HSPBAP1: variants seen among roughly 807,000 people sequenced by gnomAD.
The protein encoded by HSPBAP1 is HSPB1 associated protein 1.
In HSPBAP1, 27 loss-of-function variants were observed where a neutral mutation model predicts 45.2. The ratio of observed to expected loss-of-function variants is 0.60; its 90% CI spans 0.44 to 0.82. The LOEUF (loss-of-function observed/expected upper bound fraction) is 0.82, where lower values mean the gene tolerates loss of function less well. Among genes scored for constraint, HSPBAP1 ranks in the 40% least tolerant of loss-of-function variants. The pLI, the probability that HSPBAP1 is intolerant of heterozygous loss-of-function variation, is 0.00. For missense variants in HSPBAP1, 510 were observed against 590.9 expected (o/e 0.86, Z 1.42); for synonymous variants, 204 against 202.7 (o/e 1.01, Z -0.06).
At position 122,771,495 on chromosome 3, in the gene HSPBAP1, G is replaced by A. The variant is rs993025676; in HGVS notation, c.251-2613C>T. Among the ~76,000 whole-genome samples, 7 of 152,298 alleles carry A rather than the reference G, an allele frequency of 4.6e-5. No homozygotes were observed. In the East Asian group the frequency reaches 1.2e-3, roughly 25 times the overall value. ...TTGCTTTTAATTATTATAAAAAGGG[G>A]TCCTAAAATAGTTTCTGCACAACAG... On this transcript the variant is annotated intron_variant, in intron 2 of 7. Coordinates refer to ENST00000306103, the MANE Select transcript of HSPBAP1 (RefSeq NM_024610.6).
intron 6 of HSPBAP1, among the ~76,000 whole-genome samples, chr3:122,746,907 G>A (rs935151030): frequency 2.0e-5 from 3 of 151,828 alleles, no homozygotes; most frequent in Non-Finnish European, 4.4e-5. Context: ...TGCCAGCCTC[G>A]GCCTCCCGAG....
rs34416935 is a variant in HSPBAP1, at chr3:122,785,900, CGTGT to C, written c.64+7713_64+7716del. ...TATATCTATAATTTCCATGTGTGTG[CGTGT>C]GTGTGTGTGTGTGCACGCGCGCACA... On this transcript the variant is annotated intron_variant, in intron 1 of 7. Coordinates refer to ENST00000306103, the MANE Select transcript of HSPBAP1 (RefSeq NM_024610.6). 8.8e-3 allele frequency among the ~76,000 whole-genome samples: 1,319 copies of C among 149,818 alleles called. 12 individuals carry two copies. Among genetic ancestry groups the C allele is most frequent in the African/African-American group, 0.029 (1,181 of 40,890 alleles).
Position 122,753,882 on chromosome 3 carries a change from A to G in HSPBAP1, c.742-1208T>C, listed in dbSNP as rs147445759. The G allele has an allele frequency of 8.2e-4, 806 of 985,346 alleles. 6 individuals carry two copies. The African/African-American group carries it at 0.014, about 17-fold the overall frequency. The allele number at this position is 985,346 out of a possible 1,614,324, so 61.0% of individuals were successfully genotyped here. On this transcript the variant is annotated intron_variant, in intron 5 of 7. Coordinates refer to ENST00000306103, the MANE Select transcript of HSPBAP1 (RefSeq NM_024610.6). ...GAAAACTGATACAATAGGCAAAACC[A>G]ATCACTCAAATTTGGCTATTAAACA...
At chr3:122,784,945 A>G (rs1206726920) in intron 1 of HSPBAP1, among the ~76,000 whole-genome samples, 2 of 152,246 alleles carry the variant, frequency 1.3e-5, no homozygotes, top group African/African-American at 4.8e-5. Context: ...CCTGTAAAAC[A>G]GGCAGAGACG....
chr3:122,752,519 C>T, intron 6 of HSPBAP1, 72 bp downstream of exon 6: 1 of 907,198 alleles, frequency 1.1e-6, no homozygotes, highest in Admixed American at 2.8e-5. Context: ...GTTGTACAGC[C>T]AGACCTTATA....
intron 2 of HSPBAP1, among the ~76,000 whole-genome samples, chr3:122,772,743 T>C (rs934960682): frequency 6.6e-6 from 1 of 152,080 alleles, no homozygotes; most frequent in Non-Finnish European, 1.5e-5. Flanking sequence ...AAAATGTTAA[T>C]AAAGCATTAT....
chr3:122,762,443 A>C (rs1934626087), intron 3 of HSPBAP1, among the ~76,000 whole-genome samples: 1 of 152,114 alleles, frequency 6.6e-6, no homozygotes, highest in South Asian at 2.1e-4. Context: ...TGACCCGCAC[A>C]TCATACCATT....
intron 3 of HSPBAP1, among the ~76,000 whole-genome samples, chr3:122,760,740 AC>A (rs1934547990): frequency 6.6e-6 from 1 of 152,122 alleles, no homozygotes; most frequent in Non-Finnish European, 1.5e-5. Flanking sequence ...CTGGGAGCTT[AC>A]CCCTGTTTTC....
chr3:122,756,536 T>A lies in HSPBAP1; in HGVS notation c.570-1105A>T, dbSNP rs774520322. ...AGCAATACCTCATCCCCATAAAAAA[T>A]TTTCTTAAAAAATTAGCCAGGTGTG... is the stretch of plus-strand genomic sequence containing the variant. On this transcript the variant is annotated intron_variant, in intron 4 of 7. Transcript: ENST00000306103. 2.0e-5 allele frequency among the ~76,000 whole-genome samples: 3 copies of A among 151,664 alleles called. No homozygotes were observed. In the East Asian group the frequency reaches 5.8e-4, roughly 29 times the overall value.
chr3:122,780,289 C>A (rs1200046609), intron 1 of HSPBAP1, among the ~76,000 whole-genome samples: 1 of 85,536 alleles, frequency 1.2e-5, no homozygotes, highest in Non-Finnish European at 2.5e-5. Flanking sequence ...GGGGGCTGAC[C>A]CCCCCACCTC....
rs763366159 is a variant in HSPBAP1 at position 122,740,865 on chromosome 3, G to A, written c.947C>T (p.Thr316Met). 1.9e-5 allele frequency: 30 copies of A among 1,613,670 alleles called. No homozygotes were observed. In the East Asian group the frequency reaches 2.9e-4, roughly 16 times the overall value. The part of the protein sequence containing the change: ...AWLNPTEVEE[T>M]SHAVNCCYLN... ...GTAGCAACAGTTGACTGCATGGGAC[G>A]TTTCCTCAACCTAAGGGAAGAGAAA... The change falls in exon 8 of 8, where the codon ACG becomes ATG. Residue 316 changes from threonine to methionine, a missense_variant. Thr to Met is a moderately conservative substitution (Grantham distance 81). Coordinates refer to ENST00000306103, the MANE Select transcript of HSPBAP1 (RefSeq NM_024610.6).
At chr3:122,746,363 A>G (rs1370734313) in intron 6 of HSPBAP1, among the ~76,000 whole-genome samples, 1 of 151,856 alleles carries the variant, frequency 6.6e-6, no homozygotes, top group East Asian at 1.9e-4. Flanking sequence ...AACAGAGGCA[A>G]GAATAGCCAG....
chr3:122,755,490 G>A, intron 4 of HSPBAP1, 59 bp from the exon 5 acceptor site: 2 of 1,214,692 alleles, frequency 1.6e-6, no homozygotes, highest in South Asian at 1.9e-5. Context: ...GACAAAACAT[G>A]GAAGAAGACA....
At chr3:122,780,045 A>G (rs1056630926) in intron 1 of HSPBAP1, among the ~76,000 whole-genome samples, 13 of 151,642 alleles carry the variant, frequency 8.6e-5, no homozygotes, top group East Asian at 1.9e-4. Context: ...ATGGGGTGGC[A>G]GCCGGGCAGA....
intron 1 of HSPBAP1, among the ~76,000 whole-genome samples, chr3:122,789,079 A>T (rs1935742209): frequency 6.6e-6 from 1 of 152,228 alleles, no homozygotes; most frequent in Non-Finnish European, 1.5e-5. Flanking sequence ...TTTTTGAGAT[A>T]ACACAGACTT....
rs753248356 is a variant in HSPBAP1, at chr3:122,777,891, G to A, written c.80C>T (p.Pro27Leu). 5.6e-6 allele frequency: 9 copies of A among 1,611,574 alleles called. No individual in the cohort carries two copies. The highest frequency in any genetic ancestry group is 7.6e-6 in the Non-Finnish European group (9 of 1,178,284). ...AGGEEGEHVK[P>L]FKPEKAKEII... Reference sequence around the variant, plus strand: ...TTCTTTTGCTTTCTCTGGCTTAAAAGGTTTGACATGTTCACCTAGAAAGAG... The same window carrying A: ...TTCTTTTGCTTTCTCTGGCTTAAAAAGTTTGACATGTTCACCTAGAAAGAG... The change falls in exon 2 of 8, where the codon CCT (proline) becomes CTT (leucine). Residue 27 changes from proline (P) to leucine (L), a missense_variant. By Grantham distance (98) the Pro-to-Leu change is moderately conservative (BLOSUM62 -3). Transcript: ENST00000306103.
chr3:122,748,880 A>G (rs1934025044), intron 6 of HSPBAP1, among the ~76,000 whole-genome samples: 1 of 152,190 alleles, frequency 6.6e-6, no homozygotes, highest in African/African-American at 2.4e-5. Context: ...GAGCACCCAT[A>G]CAGTGAAGTA....
chr3:122,746,886 C>T (rs139188788), intron 6 of HSPBAP1, among the ~76,000 whole-genome samples: 1,758 of 152,140 alleles, frequency 0.012, 108 homozygotes, highest in Admixed American at 0.1. Flanking sequence ...AGCTCCTAAC[C>T]GCGAGTGATC....
intron 1 of HSPBAP1, among the ~76,000 whole-genome samples, chr3:122,785,919 ACG>A (rs1935640206): frequency 6.6e-6 from 1 of 151,048 alleles, no homozygotes; most frequent in Admixed American, 6.6e-5. Context: ...GTGTGTGTGC[ACG>A]CGCGCACATA....
Sources: allele counts gnomAD v4.1 joint callset (sites outside exome capture counted in the v4.1 genomes callset), GRCh38; gene constraint gnomAD v4.1.1; transcripts MANE v1.5; gene names NCBI Gene and HGNC (gene_info 2026-07-23, HGNC 2026-07-21).